Variants in MEI1 observed in about 807,000 individuals in gnomAD.
The protein encoded by MEI1 is meiosis inhibitor protein 1.
MEI1 carries 103 observed loss-of-function variants against 146.2 expected under a neutral mutation model. The ratio of observed to expected loss-of-function variants is 0.70; its 90% confidence interval spans 0.60 to 0.83. The LOEUF is 0.83. Among genes scored for constraint, MEI1 ranks in the 40% least tolerant of loss-of-function variants. The pLI is 0.00. For synonymous variants in MEI1, 652 were observed against 628.2 expected, an observed-to-expected ratio of 1.04 and a Z score of -0.57; for missense variants, 1,529 against 1,533.0, an observed-to-expected ratio of 1.00 and a Z score of 0.04.
At chr22:41,799,199 GC>G in intron 30 of MEI1, 54 bp from the exon 31 acceptor site, 2 of 1,554,052 alleles carry the variant, frequency 1.3e-6, no homozygotes, top group Non-Finnish European at 1.8e-6. Context: ...GAAGTGTGAT[GC>G]CCCCATGGTT....
Position 41,735,324 on chromosome 22 carries a change from C to T in MEI1, c.1331+2721C>T, listed in dbSNP as rs1020227812. 9.3e-5 allele frequency among the ~76,000 whole-genome samples: 14 copies of T among 150,936 alleles called. No homozygotes were observed. The East Asian group carries it at 9.8e-4, about 11-fold the overall frequency. On this transcript the variant is annotated intron_variant, in intron 11 of 30. Transcript: ENST00000401548. ...TCGGCTCACCACAACCTCTGCCTCC[C>T]GGGTTCAAGTGATTCTCCTCCTGCC... is the stretch of plus-strand genomic sequence containing the variant.
chr22:41,702,243 C>T (rs181693771), intron 1 of MEI1, among the ~76,000 whole-genome samples: 18 of 151,300 alleles, frequency 1.2e-4, no homozygotes, highest in African/African-American at 2.7e-4. Flanking sequence ...CAGGTTCAAG[C>T]GATTCTTCTG....
intron 24 of MEI1, among the ~76,000 whole-genome samples, chr22:41,783,248 C>A (rs2075829536): frequency 6.6e-6 from 1 of 152,036 alleles, no homozygotes; most frequent in Non-Finnish European, 1.5e-5. Flanking sequence ...AGAGAGTTCC[C>A]ATATAACACC....
At chr22:41,773,416 T>C (rs1016014481) in intron 20 of MEI1, among the ~76,000 whole-genome samples, 1 of 152,108 alleles carries the variant, frequency 6.6e-6, no homozygotes, top group African/African-American at 2.4e-5. Context: ...CACTAATCAT[T>C]GACTGCCTCT....
intron 11 of MEI1, among the ~76,000 whole-genome samples, chr22:41,735,406 G>C (rs144996011): frequency 0.013 from 2,019 of 151,974 alleles, 15 homozygotes; most frequent in Non-Finnish European, 0.022. Context: ...GGCTAATTTT[G>C]TATTTTTAGT....
chr22:41,724,033 G>A lies in MEI1; in HGVS notation c.824G>A (p.Gly275Glu). Residue 275 changes from glycine (G) to glutamate (E), a missense_variant, in exon 7 of 31, where the codon GGG becomes GAG. Physicochemically the swap from Gly to Glu is moderately conservative, Grantham distance 98. This residue lies in a region of MEI1 where 1,212 missense variants were observed against 1,178.9 expected (regional missense o/e 1.03). Transcript: ENST00000401548. ...GGAGAAAGTGCTAAGAATATCGAAG[G>A]GTCATCAGGAAATACCTCACTGCCT... is the stretch of plus-strand genomic sequence containing the variant. ...GLGESAKNIEGSSGNTSLPLV... is the reference protein window; with the variant it reads ...GLGESAKNIEESSGNTSLPLV... 5.0e-6 allele frequency: 8 copies of A among 1,613,798 alleles called. No homozygotes were observed. Among genetic ancestry groups the A allele is most frequent in the Non-Finnish European group, 6.8e-6 (8 of 1,179,848 alleles).
intron 18 of MEI1, among the ~76,000 whole-genome samples, chr22:41,762,096 G>A (rs576604360): frequency 2.6e-5 from 4 of 152,274 alleles, no homozygotes; most frequent in Admixed American, 6.5e-5. Flanking sequence ...GTAAACATGT[G>A]TGTACATGTA....
chr22:41,756,413 G>T (rs1365032190), intron 17 of MEI1, among the ~76,000 whole-genome samples: 1 of 151,574 alleles, frequency 6.6e-6, no homozygotes, highest in Non-Finnish European at 1.5e-5. Context: ...TAGGATTACA[G>T]GTGTGAGCCA....
intron 18 of MEI1, 83 bp downstream of exon 18, chr22:41,758,616 C>A: frequency 7.2e-7 from 1 of 1,391,620 alleles, no homozygotes; most frequent in African/African-American, 1.4e-5. Flanking sequence ...GGCATCTCTC[C>A]AAGCCTGATG....
intron 11 of MEI1, among the ~76,000 whole-genome samples, chr22:41,740,676 GT>G (rs2072782012): frequency 6.6e-6 from 1 of 152,140 alleles, no homozygotes. Flanking sequence ...GCTGCTGTGA[GT>G]TGTGTTTGTG....
chr22:41,785,177 C>T (rs967583163), intron 26 of MEI1, among the ~76,000 whole-genome samples: 2 of 151,770 alleles, frequency 1.3e-5, no homozygotes, highest in Non-Finnish European at 2.9e-5. Flanking sequence ...CCTCGTGATC[C>T]GCCTGCCTCC....
chr22:41,731,981 G>C (rs1380551091), intron 9 of MEI1, among the ~76,000 whole-genome samples: 1 of 152,100 alleles, frequency 6.6e-6, no homozygotes, highest in Admixed American at 6.6e-5. Flanking sequence ...AGAAAATATG[G>C]CTTGGTCAGT....
intron 13 of MEI1, 139 bp downstream of exon 13, chr22:41,745,203 G>C: frequency 1.7e-6 from 1 of 574,672 alleles, no homozygotes; most frequent in Non-Finnish European, 2.9e-6. Context: ...GCTGGGGTAG[G>C]GGTTGGGGGT....
intron 14 of MEI1, 124 bp downstream of exon 14, chr22:41,746,150 A>C: frequency 1.3e-6 from 1 of 776,050 alleles, no homozygotes; most frequent in South Asian, 4.4e-5. Context: ...TCAGCAGTGC[A>C]ATTCTTGCTG....
intron 21 of MEI1, among the ~76,000 whole-genome samples, chr22:41,777,926 T>C (rs1486535597): frequency 6.6e-6 from 1 of 151,666 alleles, no homozygotes; most frequent in African/African-American, 2.4e-5. Flanking sequence ...TTTCTTCTTC[T>C]TCTTTTCTTC....
rs1228220839 is a variant in MEI1 at position 41,763,185 on chromosome 22, A to T, written c.2132A>T (p.Glu711Val). The change falls in exon 19 of 31, where the codon GAG becomes GTG. Residue 711 changes from glutamate (E) to valine (V), a missense_variant. By Grantham distance (121) the Glu-to-Val change is moderately radical. This residue lies in a region of MEI1 where 1,212 missense variants were observed against 1,178.9 expected (regional missense o/e 1.03). Transcript: ENST00000401548. ...AYIHEDRFVS[E>V]AELFEAVQSF... Reference sequence around the variant, plus strand: ...TTCTTGGTTGACAGGTTTGTCTCAGAGGCAGAGTTATTTGAGGCTGTGCAA... The same window carrying T: ...TTCTTGGTTGACAGGTTTGTCTCAGTGGCAGAGTTATTTGAGGCTGTGCAA... The T allele has an allele frequency of 6.2e-7, 1 of 1,613,926 alleles. No homozygotes were observed. Among genetic ancestry groups the T allele is most frequent in the Non-Finnish European group, 8.5e-7 (1 of 1,179,850 alleles).
intron 23 of MEI1, 122 bp from the exon 24 acceptor site, chr22:41,781,555 GGACCCTTA>G (rs2075757196): frequency 8.1e-7 from 1 of 1,232,000 alleles, no homozygotes; most frequent in Non-Finnish European, 1.1e-6. Flanking sequence ...TATGAAGCTG[GGACCCTTA>G]GAGCCTCAGG....
At position 41,781,171 on chromosome 22, in the gene MEI1, A is replaced by G. The variant is rs1602126945; in HGVS notation, c.2816-113A>G. 5 of 711,732 alleles carry G rather than the reference A, an allele frequency of 7.0e-6. No individual in the cohort carries two copies. The East Asian group carries it at 1.1e-4, about 15-fold the overall frequency. 44.1% of individuals were successfully genotyped at this position (711,732 alleles called of 1,614,324 possible). A position where few individuals can be genotyped will look rare whatever the true frequency, so the allele number is the denominator to read the frequency against. On this transcript the variant is annotated intron_variant, in intron 22 of 30. Coordinates refer to ENST00000401548, the MANE Select transcript of MEI1 (RefSeq NM_152513.4). Reference sequence around the variant, plus strand: ...ATTGGTTGTAATATCAGGGATACTTAGTTTGTGCTTGCTCCCCAAGACTGA... The same window carrying G: ...ATTGGTTGTAATATCAGGGATACTTGGTTTGTGCTTGCTCCCCAAGACTGA...
intron 5 of MEI1, among the ~76,000 whole-genome samples, chr22:41,717,618 C>CTTTTTT (rs386395487): frequency 7.2e-6 from 1 of 138,296 alleles, no homozygotes; most frequent in African/African-American, 2.7e-5. Flanking sequence ...TTTTTCTTTT[C>CTTTTTT]TTTTTTTTTT....
Sources: gnomAD v4.1 joint callset for allele counts (sites outside exome capture counted in the v4.1 genomes callset) on GRCh38, gnomAD v4.1.1 for gene constraint, gnomAD v4.1.1 regional missense constraint, MANE v1.5 for transcripts, NCBI Gene and HGNC (gene_info 2026-07-23, HGNC 2026-07-21) for gene names.